The following RHBDF2 variants were observed in gnomAD, a reference collection of about 807,000 sequenced individuals.
The protein encoded by RHBDF2 is inactive rhomboid protein 2.
Under a neutral mutation model 95.2 loss-of-function variants are expected in RHBDF2, and 38 were observed. The ratio of observed to expected loss-of-function variants is 0.40; its 90% confidence interval spans 0.31 to 0.52. RHBDF2 has a LOEUF of 0.52. Ranked by LOEUF, RHBDF2 falls within the 20% of genes least tolerant of loss-of-function variation. RHBDF2 has a pLI of 0.56. For synonymous variants in RHBDF2, 442 were observed against 462.0 expected (o/e 0.96, Z 0.55); for missense variants, 863 against 1,137.7 (o/e 0.76, Z 3.47).
intron 1 of RHBDF2, among the ~76,000 whole-genome samples, chr17:76,490,433 C>G (rs920648957): frequency 6.6e-6 from 1 of 152,168 alleles, no homozygotes; most frequent in Non-Finnish European, 1.5e-5. Context: ...TAAGCCTGCT[C>G]TGGGGACAGC....
Position 76,474,188 on chromosome 17 carries a change from C to A in RHBDF2, c.1465-46G>T, listed in dbSNP as rs766627196. On this transcript the variant is annotated intron_variant, in intron 12 of 18. Coordinates refer to ENST00000675367, the MANE Select transcript of RHBDF2 (RefSeq NM_001005498.4). ...GGTGGGTCATGTCGGGGCCAGGTCA[C>A]CCCCACTGGAGTGGGCAAGGACAGA... 27 of 1,426,664 alleles carry A rather than the reference C, an allele frequency of 1.9e-5. No individual in the cohort carries two copies. The Admixed American group carries it at 3.9e-4, about 21-fold the overall frequency. The allele number at this position is 1,426,664 out of a possible 1,614,324, so 88.4% of individuals were successfully genotyped here. A position where few individuals can be genotyped will look rare whatever the true frequency, so the allele number is the denominator to read the frequency against.
intron 6 of RHBDF2, among the ~76,000 whole-genome samples, chr17:76,478,359 G>A (rs188853893): frequency 6.6e-6 from 1 of 152,256 alleles, no homozygotes; most frequent in African/African-American, 2.4e-5. Context: ...GTGTCTTCTG[G>A]GCTTAACTCA....
intron 18 of RHBDF2, chr17:76,472,390 C>A: frequency 3.5e-6 from 2 of 574,134 alleles, no homozygotes; most frequent in Non-Finnish European, 6.3e-6. Flanking sequence ...GCCGACGGCG[C>A]ACGGAGGCCA....
In RHBDF2 at chr17:76,476,821, A is replaced by C; in HGVS notation, c.1115+9T>G. 6.3e-7 allele frequency: 1 copy of C among 1,589,890 alleles called. No homozygotes were observed. The highest frequency in any genetic ancestry group is 1.1e-5 in the South Asian group (1 of 89,224). On this transcript the variant is annotated intron_variant, in intron 9 of 18. Coordinates refer to ENST00000675367, the MANE Select transcript of RHBDF2 (RefSeq NM_001005498.4). ...AGGCTCTCCTGGGGGCTCCAGGGCG[A>C]CACCTCACCGGTGGCTGTCGAAGCT...
At chr17:76,490,513 G>T (rs900837023) in intron 1 of RHBDF2, among the ~76,000 whole-genome samples, 1 of 152,134 alleles carries the variant, frequency 6.6e-6, no homozygotes, top group African/African-American at 2.4e-5. Context: ...TGGGACCAGG[G>T]TACACCAAGA....
At chr17:76,500,170 C>A (rs1359202495) in intron 1 of RHBDF2, among the ~76,000 whole-genome samples, 2 of 152,154 alleles carry the variant, frequency 1.3e-5, no homozygotes, top group Non-Finnish European at 2.9e-5. Flanking sequence ...TTCTCAGCCT[C>A]AGCACAGCCC....
chr17:76,473,379 C>T, intron 15 of RHBDF2, 52 bp from the exon 16 acceptor site: 1 of 1,482,866 alleles, frequency 6.7e-7, no homozygotes, highest in African/African-American at 1.4e-5. Flanking sequence ...ATAACCACTG[C>T]CCACCTTTGC....
intron 1 of RHBDF2, among the ~76,000 whole-genome samples, chr17:76,489,124 TCGAAA>T (rs1327159387): frequency 5.5e-5 from 7 of 128,284 alleles, no homozygotes; most frequent in African/African-American, 7.7e-5. Flanking sequence ...AGACTCCGTC[TCGAAA>T]CAAAACAAAA....
chr17:76,484,086 A>AC (rs2074051657), intron 2 of RHBDF2, among the ~76,000 whole-genome samples: 1 of 151,744 alleles, frequency 6.6e-6, no homozygotes, highest in South Asian at 2.1e-4. Context: ...ACATGGAGAA[A>AC]CCCCGTCTCT....
At chr17:76,491,405 A>G (rs2074295364) in intron 1 of RHBDF2, among the ~76,000 whole-genome samples, 1 of 150,804 alleles carries the variant, frequency 6.6e-6, no homozygotes, top group African/African-American at 2.4e-5. Context: ...GGGAGAGGAG[A>G]GCCTGGTCAG....
intron 1 of RHBDF2, among the ~76,000 whole-genome samples, chr17:76,494,065 G>A (rs2074377858): frequency 6.6e-6 from 1 of 152,138 alleles, no homozygotes; most frequent in Non-Finnish European, 1.5e-5. Context: ...AGCGGGTGCT[G>A]TGCTCCAGGG....
intron 3 of RHBDF2, among the ~76,000 whole-genome samples, chr17:76,480,929 C>A (rs779881395): frequency 8.5e-5 from 13 of 152,294 alleles, no homozygotes; most frequent in Non-Finnish European, 1.6e-4. Flanking sequence ...GGGCACTAGA[C>A]CAGACTGTCA....
intron 3 of RHBDF2, among the ~76,000 whole-genome samples, chr17:76,480,455 G>T (rs2073931481): frequency 6.6e-6 from 1 of 151,038 alleles, no homozygotes; most frequent in African/African-American, 2.4e-5. Context: ...CACCATCATA[G>T]CTCACTGGAG....
chr17:76,472,803 C>G lies in RHBDF2; in HGVS notation c.1947G>C (p.Met649Ile), dbSNP rs767867637. 39 of 1,604,610 alleles carry G rather than the reference C, an allele frequency of 2.4e-5. No homozygotes were observed. Among genetic ancestry groups the G allele is most frequent in the Non-Finnish European group, 3.3e-5 (39 of 1,175,616 alleles). Residue 649 changes from methionine (M) to isoleucine (I), a missense_variant, in exon 18 of 19, where the codon ATG becomes ATC. Physicochemically the swap from Met to Ile is conservative, Grantham distance 10. Transcript: ENST00000675367. ...VHCLVSVVFQMTILRDLEKLA... is the reference protein window; with the variant it reads ...VHCLVSVVFQITILRDLEKLA... ...GCTTCTCCAGGTCCCTCAGGATGGT[C>G]ATTTGAAAGACCACAGACACGAGGC...
Position 76,483,304 on chromosome 17 carries a change from G to A in RHBDF2, c.-21-1759C>T, listed in dbSNP as rs116079202. Among the ~76,000 whole-genome samples the A allele has an allele frequency of 4.6e-3, 685 of 148,112 alleles. 3 individuals carry two copies. The highest frequency in any genetic ancestry group is 0.015 in the African/African-American group (612 of 40,088). ...CTTTTTTTCTTTTTTCTTTTTTTTTGTGATGGGGTCTCATTCTGTCACCCA... is the reference window on the plus strand; with the variant it reads ...CTTTTTTTCTTTTTTCTTTTTTTTTATGATGGGGTCTCATTCTGTCACCCA... On this transcript the variant is annotated intron_variant, in intron 2 of 18. Coordinates refer to ENST00000675367, the MANE Select transcript of RHBDF2 (RefSeq NM_001005498.4).
rs1376581008 is a variant in RHBDF2 at position 76,473,664 on chromosome 17, T to C, written c.1717A>G (p.Ile573Val). The C allele has an allele frequency of 3.1e-6, 5 of 1,609,888 alleles. No individual in the cohort carries two copies. The highest frequency in any genetic ancestry group is 4.2e-6 in the Non-Finnish European group (5 of 1,178,552). Residue 573 changes from isoleucine (I) to valine (V), a missense_variant, in exon 15 of 19, where the codon ATC becomes GTC. Ile to Val is a conservative substitution (Grantham distance 29). Transcript: ENST00000675367. ...GTCGCTCACCTGCCCTTGGTGCCGATGCAGCAGGGGCGGCCCTTGATCTCG... is the reference window on the plus strand; with the variant it reads ...GTCGCTCACCTGCCCTTGGTGCCGACGCAGCAGGGGCGGCCCTTGATCTCG... ...DCEIKGRPCC[I>V]GTKGSCEITT...
At chr17:76,479,633 C>CAG in intron 4 of RHBDF2, 100 bp downstream of exon 4, 3 of 908,196 alleles carry the variant, frequency 3.3e-6, no homozygotes, top group Non-Finnish European at 3.4e-6. Flanking sequence ...CTCCTCCTTC[C>CAG]AGAGAGGGGA....
intron 3 of RHBDF2, among the ~76,000 whole-genome samples, chr17:76,480,396 A>T (rs1010359084): frequency 6.7e-5 from 10 of 150,336 alleles, no homozygotes; most frequent in Admixed American, 1.3e-4. Flanking sequence ...CTATATATAT[A>T]TTTTTTGGGA....
intron 1 of RHBDF2, among the ~76,000 whole-genome samples, chr17:76,498,899 C>T (rs976025522): frequency 2.7e-5 from 4 of 149,836 alleles, no homozygotes; most frequent in African/African-American, 7.4e-5. Flanking sequence ...TGTGTGGTTA[C>T]ACCAGGTACA....
Sources: allele counts gnomAD v4.1 joint callset (sites outside exome capture counted in the v4.1 genomes callset), GRCh38; gene constraint gnomAD v4.1.1; transcripts MANE v1.5; gene names NCBI Gene and HGNC (gene_info 2026-07-23, HGNC 2026-07-21).